Variants in ADCY9 observed in about 807,000 individuals in gnomAD.
ADCY9 encodes the protein adenylate cyclase 9, also known as adenylate cyclase type 9.
A neutral mutation model predicts 101.5 loss-of-function variants in ADCY9; 50 were observed. That is an observed-to-expected ratio of 0.49 (90% CI 0.39 to 0.62). The LOEUF (loss-of-function observed/expected upper bound fraction) is 0.62. Ranked by LOEUF, ADCY9 falls within the 20% of genes least tolerant of loss-of-function variation. The pLI, the probability that ADCY9 is intolerant of heterozygous loss-of-function variation, is 0.00. For missense variants in ADCY9, 1,662 were observed against 1,800.4 expected (o/e 0.92, Z 1.39); for synonymous variants, 905 against 769.3 (o/e 1.18, Z -2.92).
intron 2 of ADCY9, among the ~76,000 whole-genome samples, chr16:4,096,609 C>G (rs779935815): frequency 6.6e-6 from 1 of 152,156 alleles, no homozygotes; most frequent in African/African-American, 2.4e-5. Flanking sequence ...AAAAAGAACT[C>G]ATTTATGAAG....
Position 4,057,050 on chromosome 16 carries a change from C to T in ADCY9, c.1694-49492G>A, listed in dbSNP as rs61042195. ...TACTGATGAAACCGCCCCCCCCCCC[C>T]CCGCCAATCTTACTCTTCTGTTATT... On this transcript the variant is annotated intron_variant, in intron 2 of 10. Coordinates refer to ENST00000294016, the MANE Select transcript of ADCY9 (RefSeq NM_001116.4). Among the ~76,000 whole-genome samples the T allele has an allele frequency of 6.7e-5, 9 of 135,024 alleles. 1 individual carries two copies. The highest frequency in any genetic ancestry group is 9.6e-5 in the Non-Finnish European group (6 of 62,788). 88.6% of individuals were successfully genotyped at this position (135,024 alleles called of 152,430 possible). A position where few individuals can be genotyped will look rare whatever the true frequency, so the allele number is the denominator to read the frequency against.
chr16:4,054,768 T>G (rs2056725983), intron 2 of ADCY9, among the ~76,000 whole-genome samples: 1 of 152,064 alleles, frequency 6.6e-6, no homozygotes, highest in Non-Finnish European at 1.5e-5. Flanking sequence ...CGGGTTTCAC[T>G]GTGTTAGCCA....
intron 2 of ADCY9, among the ~76,000 whole-genome samples, chr16:4,035,161 G>C (rs1171261535): frequency 6.6e-6 from 1 of 152,204 alleles, no homozygotes; most frequent in Non-Finnish European, 1.5e-5. Flanking sequence ...TCCCAGGAAT[G>C]TGATAATTGC....
intron 2 of ADCY9, among the ~76,000 whole-genome samples, chr16:4,107,221 G>C (rs143460160): frequency 6.6e-6 from 1 of 152,116 alleles, no homozygotes; most frequent in Non-Finnish European, 1.5e-5. Context: ...TATCTGAGAG[G>C]CTGTATTTCC....
chr16:4,070,941 C>T (rs777966826), intron 2 of ADCY9, among the ~76,000 whole-genome samples: 9 of 151,716 alleles, frequency 5.9e-5, no homozygotes, highest in Non-Finnish European at 1.2e-4. Context: ...AGAGAGTCTC[C>T]GTCTCAAAAA....
rs183001888 is a variant in ADCY9 at position 3,972,172 on chromosome 16, A to G, written c.2870+2497T>C. Among the ~76,000 whole-genome samples, 14 of 152,166 alleles carry G rather than the reference A, an allele frequency of 9.2e-5. No homozygotes were observed. In the East Asian group the frequency reaches 2.7e-3, roughly 29 times the overall value. On this transcript the variant is annotated intron_variant, in intron 10 of 10. Coordinates refer to ENST00000294016, the MANE Select transcript of ADCY9 (RefSeq NM_001116.4). Reference sequence around the variant, plus strand: ...TAATACCAAAGGAACAAAGGAGCCGATCCTATTCCTAAATTCAAATAGCAA... The same window carrying G: ...TAATACCAAAGGAACAAAGGAGCCGGTCCTATTCCTAAATTCAAATAGCAA...
intron 2 of ADCY9, among the ~76,000 whole-genome samples, chr16:4,065,007 G>A (rs1032135530): frequency 6.6e-6 from 1 of 152,160 alleles, no homozygotes; most frequent in African/African-American, 2.4e-5. Flanking sequence ...GGGAGGAGAA[G>A]TGAAAGGTCA....
chr16:4,006,183 G>C (rs760374733), intron 3 of ADCY9, among the ~76,000 whole-genome samples: 4 of 152,194 alleles, frequency 2.6e-5, no homozygotes, highest in Non-Finnish European at 5.9e-5. Flanking sequence ...CTGGGGAGTA[G>C]GGTACGGGTG....
At chr16:4,056,890 C>T (rs1597197981) in intron 2 of ADCY9, among the ~76,000 whole-genome samples, 1 of 152,142 alleles carries the variant, frequency 6.6e-6, no homozygotes, top group African/African-American at 2.4e-5. Flanking sequence ...AAGACAGTGA[C>T]CATCACCCAG....
At chr16:3,996,059 G>C (rs1209364759) in intron 3 of ADCY9, among the ~76,000 whole-genome samples, 1 of 152,148 alleles carries the variant, frequency 6.6e-6, no homozygotes, top group Non-Finnish European at 1.5e-5. Flanking sequence ...TTGACTGGCA[G>C]AGTTAAACTT....
In ADCY9 at chr16:3,988,991, C is replaced by T. The variant is rs766399051; in HGVS notation, c.2310+3G>A. On this transcript the variant is annotated splice_donor_region_variant and intron_variant, in intron 6 of 10. Transcript: ENST00000294016. ...GTAAAAGCGCAAGGAGAAATGAACG[C>T]ACCTCTTCCTGATAGCTGGTCCTGT... The T allele has an allele frequency of 2.5e-6, 4 of 1,608,876 alleles. No individual in the cohort carries two copies. In the East Asian group the frequency reaches 8.9e-5, roughly 36 times the overall value.
intron 10 of ADCY9, among the ~76,000 whole-genome samples, chr16:3,971,869 C>T (rs1320271406): frequency 6.6e-6 from 1 of 152,178 alleles, no homozygotes; most frequent in Non-Finnish European, 1.5e-5. Flanking sequence ...GTACAGCTCA[C>T]TCTAATCTGC....
intron 7 of ADCY9, chr16:3,982,612 T>C (rs1458058625): frequency 1.3e-5 from 2 of 152,386 alleles, no homozygotes; most frequent in African/African-American, 4.8e-5. Flanking sequence ...AAATGAGCTG[T>C]CTTTTTATTA....
At chr16:4,041,506 C>CAAAAAAA (rs55669348) in intron 2 of ADCY9, among the ~76,000 whole-genome samples, 2 of 94,618 alleles carry the variant, frequency 2.1e-5, no homozygotes, top group Non-Finnish European at 4.1e-5. Context: ...GTATTAAAAC[C>CAAAAAAA]AAAAAAAAAA....
chr16:3,980,200 T>C (rs1567420284), intron 7 of ADCY9, among the ~76,000 whole-genome samples: 1 of 152,254 alleles, frequency 6.6e-6, no homozygotes, highest in Non-Finnish European at 1.5e-5. Flanking sequence ...TTTGTCCTTC[T>C]AAGCAGAGCG....
rs115639243 is a variant in ADCY9 at position 4,028,405 on chromosome 16, G to A, written c.1694-20847C>T. Among the ~76,000 whole-genome samples the A allele has an allele frequency of 7.0e-3, 1,073 of 152,206 alleles. 20 individuals carry two copies. The highest frequency in any genetic ancestry group is 0.024 in the African/African-American group (1,016 of 41,514). On this transcript the variant is annotated intron_variant, in intron 2 of 10. Transcript: ENST00000294016. ...CACACTGTGATATATCCACACCACC[G>A]AATTTAACTCACGAAAAAGGACCTA...
downstream of ADCY9, among the ~76,000 whole-genome samples, chr16:3,958,611 T>C (rs2055920707): frequency 6.7e-6 from 1 of 148,962 alleles, no homozygotes; most frequent in South Asian, 2.1e-4. Flanking sequence ...CATGAGCTCC[T>C]TCATCAAGGA....
At chr16:4,039,860 G>A (rs980500249) in intron 2 of ADCY9, among the ~76,000 whole-genome samples, 1 of 152,064 alleles carries the variant, frequency 6.6e-6, no homozygotes, top group East Asian at 1.9e-4. Context: ...GTAACATAGT[G>A]AGATCCCATC....
At position 3,969,509 on chromosome 16, in the gene ADCY9, G is replaced by T. The variant is rs569992178; in HGVS notation, c.2871-2543C>A. On this transcript the variant is annotated intron_variant, in intron 10 of 10. Coordinates refer to ENST00000294016, the MANE Select transcript of ADCY9 (RefSeq NM_001116.4). ...CCGCCTCGACCTCCCAAAGTGCTGGGATTACAGGTGTGAGCCACCACACCT... is the reference window on the plus strand; with the variant it reads ...CCGCCTCGACCTCCCAAAGTGCTGGTATTACAGGTGTGAGCCACCACACCT... Among the ~76,000 whole-genome samples the T allele has an allele frequency of 2.8e-5, 4 of 140,416 alleles. No homozygotes were observed. In the East Asian group the frequency reaches 8.5e-4, roughly 30 times the overall value. The allele number at this position is 140,416 out of a possible 152,430, so 92.1% of individuals were successfully genotyped here.
Sources: gnomAD v4.1 joint callset for allele counts (sites outside exome capture counted in the v4.1 genomes callset) on GRCh38, gnomAD v4.1.1 for gene constraint, MANE v1.5 for transcripts, NCBI Gene and HGNC (gene_info 2026-07-23, HGNC 2026-07-21) for gene names.